Variants in SORCS2 observed in about 807,000 individuals in gnomAD.
SORCS2 encodes sortilin related VPS10 domain containing receptor 2.
A neutral mutation model predicts 141.6 loss-of-function variants in SORCS2; 100 were observed. The ratio of observed to expected loss-of-function variants is 0.71; its 90% CI spans 0.60 to 0.83. The LOEUF is 0.83. Ranked by LOEUF, SORCS2 falls within the 40% of genes least tolerant of loss-of-function variation. The probability of loss-of-function intolerance (pLI) is 0.00; values close to 1 mark genes in which losing one functional copy is unlikely to be tolerated. For synonymous variants in SORCS2, 789 were observed against 676.9 expected (o/e 1.17, Z -2.57); for missense variants, 1,646 against 1,560.2 (o/e 1.05, Z -0.93).
intron 1 of SORCS2, among the ~76,000 whole-genome samples, chr4:7,196,166 G>A (rs1727155776): frequency 6.6e-6 from 1 of 152,216 alleles, no homozygotes; most frequent in South Asian, 2.1e-4. Flanking sequence ...CTCCCTGTCT[G>A]ACGTTTAGCT....
chr4:7,696,727 G>C (rs2057722), intron 11 of SORCS2, among the ~76,000 whole-genome samples: 101,794 of 152,104 alleles, frequency 0.67, 34,622 homozygotes, highest in East Asian at 0.91. Context: ...TGAGACCCTG[G>C]TGTGTGCCCA....
At chr4:7,631,559 G>A (rs982861268) in intron 3 of SORCS2, among the ~76,000 whole-genome samples, 1 of 152,182 alleles carries the variant, frequency 6.6e-6, no homozygotes, top group African/African-American at 2.4e-5. Context: ...GCCCAGCCTG[G>A]GTGAGGGGCC....
chr4:7,263,447 G>A (rs554501619), intron 1 of SORCS2, among the ~76,000 whole-genome samples: 72 of 152,304 alleles, frequency 4.7e-4, no homozygotes, highest in African/African-American at 1.5e-3. Context: ...TGGGCAGGAC[G>A]CTGGCCGGGT....
rs114808144 is a variant in SORCS2, at chr4:7,664,414, C to T, written c.1014C>T (p.Phe338=). 5.0e-4 allele frequency: 804 copies of T among 1,613,934 alleles called. 4 individuals are homozygous for T. The African/African-American group carries it at 9.9e-3, about 20-fold the overall frequency. Residue 338 remains phenylalanine, a synonymous_variant, in exon 7 of 27, where the codon TTC becomes TTT. Transcript: ENST00000507866. The surrounding 1 kb of genome is among the most constrained non-coding windows in gnomAD (Gnocchi z 4.7). ...CCGAGAAGATGCTGACAGCCCCATT[C>T]GCAGGCCCCATTGACCACGGGTCTC... ...NCSEKMLTAP[F]AGPIDHGSLT...
intron 22 of SORCS2, 24 bp from the exon 23 acceptor site, chr4:7,729,563 A>C (rs777589332): frequency 9.6e-6 from 15 of 1,566,418 alleles, no homozygotes; most frequent in Middle Eastern, 3.7e-4. Flanking sequence ...CAGGCGGACC[A>C]AAGTGGCTTA....
chr4:7,561,243 A>T (rs1244098719), intron 3 of SORCS2, among the ~76,000 whole-genome samples: 2 of 152,128 alleles, frequency 1.3e-5, no homozygotes, highest in East Asian at 3.9e-4. Context: ...AGACATGGGA[A>T]CAAGAGAATC....
chr4:7,274,229 T>G (rs901310523), intron 1 of SORCS2, among the ~76,000 whole-genome samples: 4 of 152,238 alleles, frequency 2.6e-5, no homozygotes, highest in Non-Finnish European at 4.4e-5. Flanking sequence ...TGTGAAGTAC[T>G]GAAAATACTG....
At chr4:7,334,816 G>C (rs1046951708) in intron 1 of SORCS2, among the ~76,000 whole-genome samples, 1 of 152,118 alleles carries the variant, frequency 6.6e-6, no homozygotes. Flanking sequence ...GAGGTGACGT[G>C]TGAGCAGGCC....
intron 3 of SORCS2, among the ~76,000 whole-genome samples, chr4:7,614,729 A>G (rs916365057): frequency 1.3e-5 from 2 of 149,220 alleles, no homozygotes; most frequent in African/African-American, 5.0e-5. Context: ...CCATCAATCC[A>G]TCTATCCATC....
intron 1 of SORCS2, among the ~76,000 whole-genome samples, chr4:7,303,626 G>A (rs80208050): frequency 0.023 from 3,516 of 152,324 alleles, 80 homozygotes; most frequent in Middle Eastern, 0.065. Context: ...ACCATTCTGG[G>A]AGCTGAGGTA....
intron 1 of SORCS2, among the ~76,000 whole-genome samples, chr4:7,395,581 C>T (rs1210168323): frequency 9.9e-5 from 15 of 152,214 alleles, no homozygotes; most frequent in Non-Finnish European, 2.9e-5. Context: ...CAGTTAGGTG[C>T]TCCTAAACAC....
Position 7,723,713 on chromosome 4 carries a change from C to G in SORCS2, c.2441C>G (p.Thr814Ser), listed in dbSNP as rs1284063280. 1 of 1,613,984 alleles carries G rather than the reference C, an allele frequency of 6.2e-7. No homozygotes were observed. Among genetic ancestry groups the G allele is most frequent in the Non-Finnish European group, 8.5e-7 (1 of 1,179,874 alleles). Residue 814 changes from threonine (T) to serine (S), a missense_variant, in exon 19 of 27, where the codon ACC becomes AGC. By Grantham distance (58) the Thr-to-Ser change is moderately conservative. Coordinates refer to ENST00000507866, the MANE Select transcript of SORCS2 (RefSeq NM_020777.3). ...TCTCTGCAGGGTGATGTCCTGACTACCAAGTACCAGGTAGACCTTGGGGAC... is the reference window on the plus strand; with the variant it reads ...TCTCTGCAGGGTGATGTCCTGACTAGCAAGTACCAGGTAGACCTTGGGGAC... Reference protein sequence around the residue: ...VRQEQGDVLTTKYQVDLGDGF... With the variant: ...VRQEQGDVLTSKYQVDLGDGF...
intron 2 of SORCS2, among the ~76,000 whole-genome samples, chr4:7,515,565 T>C (rs1464071052): frequency 6.6e-6 from 1 of 152,220 alleles, no homozygotes; most frequent in African/African-American, 2.4e-5. Context: ...TGAGGAGGCC[T>C]GGACACCGTC....
intron 2 of SORCS2, among the ~76,000 whole-genome samples, chr4:7,406,939 C>T (rs4627863): frequency 0.49 from 74,025 of 151,822 alleles, 18,161 homozygotes; most frequent in Middle Eastern, 0.6. Flanking sequence ...CTTTATTGAC[C>T]CATTGGCCGT....
chr4:7,238,309 TG>T (rs1226085091), intron 1 of SORCS2, among the ~76,000 whole-genome samples: 1 of 152,134 alleles, frequency 6.6e-6, no homozygotes, highest in Non-Finnish European at 1.5e-5. Flanking sequence ...TTGCTGGTAC[TG>T]CATACAGCTT....
At chr4:7,557,142 A>G (rs936918309) in intron 3 of SORCS2, among the ~76,000 whole-genome samples, 7 of 152,128 alleles carry the variant, frequency 4.6e-5, no homozygotes, top group Non-Finnish European at 1.0e-4. Context: ...CACAATGCAA[A>G]TGCTTCTTAT....
intron 3 of SORCS2, among the ~76,000 whole-genome samples, chr4:7,569,616 G>C (rs1296570402): frequency 1.3e-5 from 2 of 152,208 alleles, no homozygotes; most frequent in African/African-American, 4.8e-5. Context: ...GAGAACATGT[G>C]TGTGTGGAGG....
intron 3 of SORCS2, among the ~76,000 whole-genome samples, chr4:7,587,600 G>C (rs1395102500): frequency 6.6e-6 from 1 of 152,206 alleles, no homozygotes; most frequent in East Asian, 1.9e-4. Flanking sequence ...GGTTTCCATA[G>C]AGACCAGGCC....
intron 2 of SORCS2, among the ~76,000 whole-genome samples, chr4:7,484,825 C>T (rs1730874780): frequency 6.6e-6 from 1 of 152,074 alleles, no homozygotes; most frequent in Non-Finnish European, 1.5e-5. Context: ...CGCTCCTGTA[C>T]CCAGCCTGCC....
Sources: allele counts gnomAD v4.1 joint callset (sites outside exome capture counted in the v4.1 genomes callset), GRCh38; gene constraint gnomAD v4.1.1; non-coding constraint Gnocchi (gnomAD v3.1); transcripts MANE v1.5; gene names NCBI Gene and HGNC (gene_info 2026-07-23, HGNC 2026-07-21).